PTPRN2: variants seen among roughly 807,000 people sequenced by gnomAD.
PTPRN2 encodes the protein receptor-type tyrosine-protein phosphatase N2.
In PTPRN2, 74 loss-of-function variants were observed where a neutral mutation model predicts 118.8. The observed-to-expected ratio is 0.62, with a 90% confidence interval of 0.52 to 0.76. The LOEUF is 0.76. PTPRN2 is among the 30% of genes least tolerant of loss of function. The pLI, the probability that PTPRN2 is intolerant of heterozygous loss-of-function variation, is 0.00. For missense variants in PTPRN2, 1,481 were observed against 1,394.4 expected, an observed-to-expected ratio of 1.06 and a Z score of -0.99; for synonymous variants, 641 against 608.0, an observed-to-expected ratio of 1.05 and a Z score of -0.80.
intron 3 of PTPRN2, among the ~76,000 whole-genome samples, chr7:158,263,069 ACAC>A (rs763565705): frequency 1.6e-4 from 23 of 145,990 alleles, no homozygotes; most frequent in African/African-American, 2.4e-4. Flanking sequence ...CATTGCACAC[ACAC>A]ATCACACACA....
At chr7:157,804,820 T>C (rs918367394) in intron 12 of PTPRN2, among the ~76,000 whole-genome samples, 87 of 152,236 alleles carry the variant, frequency 5.7e-4, no homozygotes, top group African/African-American at 1.6e-3. Context: ...CAGCCCCCCT[T>C]CTCCCAGTCC....
intron 1 of PTPRN2, among the ~76,000 whole-genome samples, chr7:158,554,247 A>G (rs144049502): frequency 6.6e-6 from 1 of 152,198 alleles, no homozygotes; most frequent in Non-Finnish European, 1.5e-5. Flanking sequence ...CCTGGGCGAA[A>G]GAGTGAGACT....
At chr7:157,703,109 C>T (rs535088717) in intron 12 of PTPRN2, among the ~76,000 whole-genome samples, 1 of 152,360 alleles carries the variant, frequency 6.6e-6, no homozygotes, top group African/African-American at 2.4e-5. Context: ...ATTGAACGGG[C>T]TCATTCTTGA....
At chr7:157,802,806 T>G (rs562751924) in intron 12 of PTPRN2, among the ~76,000 whole-genome samples, 1 of 152,346 alleles carries the variant, frequency 6.6e-6, no homozygotes, top group East Asian at 1.9e-4. Context: ...TGCATGTTCC[T>G]GATCATTAGT....
rs1201748099 is a variant in PTPRN2 at position 157,649,421 on chromosome 7, C to G, written c.2196+6936G>C. ...TGCACTGAACTCGGTGGGTCAGACC[C>G]TTTCACTGTGCACTGAACTCGGTGG... On this transcript the variant is annotated intron_variant, in intron 14 of 22. Transcript: ENST00000389418. Among the ~76,000 whole-genome samples the G allele has an allele frequency of 2.9e-5, 4 of 139,074 alleles. No individual in the cohort carries two copies. The Admixed American group carries it at 2.9e-4, about 10-fold the overall frequency. 91.2% of individuals were successfully genotyped at this position (139,074 alleles called of 152,430 possible).
chr7:158,295,066 C>G (rs1160982673), intron 3 of PTPRN2, among the ~76,000 whole-genome samples: 2 of 146,894 alleles, frequency 1.4e-5, no homozygotes, highest in East Asian at 4.2e-4. Flanking sequence ...CGCCCGCTGA[C>G]CCTGCCTGTC....
At chr7:157,910,226 G>A (rs1378094727) in intron 11 of PTPRN2, among the ~76,000 whole-genome samples, 1 of 151,338 alleles carries the variant, frequency 6.6e-6, no homozygotes, top group Non-Finnish European at 1.5e-5. Context: ...TACACCGTGG[G>A]AACGGGCGCA....
At chr7:158,476,267 G>A (rs1360639238) in intron 2 of PTPRN2, among the ~76,000 whole-genome samples, 1 of 152,236 alleles carries the variant, frequency 6.6e-6, no homozygotes, top group African/African-American at 2.4e-5. Flanking sequence ...GCCTCCCACA[G>A]TGCTGGGATT....
intron 2 of PTPRN2, among the ~76,000 whole-genome samples, chr7:158,479,157 C>T (rs188545599): frequency 1.3e-5 from 2 of 152,146 alleles, no homozygotes; most frequent in African/African-American, 4.8e-5. Context: ...GAACAAGTCA[C>T]CGAACTCTTC....
chr7:157,572,283 T>C (rs1296351268), intron 19 of PTPRN2, among the ~76,000 whole-genome samples: 1 of 152,168 alleles, frequency 6.6e-6, no homozygotes, highest in East Asian at 1.9e-4. Flanking sequence ...TAAGTAAAAT[T>C]AAAGGCGGAA....
At chr7:158,446,519 C>G (rs1024972121) in intron 2 of PTPRN2, among the ~76,000 whole-genome samples, 4 of 151,558 alleles carry the variant, frequency 2.6e-5, no homozygotes, top group Non-Finnish European at 4.4e-5. Flanking sequence ...ACAGCCACCC[C>G]CAGCGGGCAG....
intron 2 of PTPRN2, among the ~76,000 whole-genome samples, chr7:158,481,428 G>T (rs1318813978): frequency 6.6e-6 from 1 of 152,226 alleles, no homozygotes; most frequent in Non-Finnish European, 1.5e-5. Flanking sequence ...CGTCCATTCT[G>T]CAGCCCAGGG....
chr7:157,894,080 C>CCT (rs1796965951), intron 12 of PTPRN2, among the ~76,000 whole-genome samples: 1 of 152,158 alleles, frequency 6.6e-6, no homozygotes. Flanking sequence ...TAAAACCTGC[C>CCT]TGACGCATAT....
At position 158,517,001 on chromosome 7, in the gene PTPRN2, A is replaced by C. The variant is rs994093978; in HGVS notation, c.113-27216T>G. Among the ~76,000 whole-genome samples, 3 of 151,776 alleles carry C rather than the reference A, an allele frequency of 2.0e-5. No individual in the cohort carries two copies. Among genetic ancestry groups the C allele is most frequent in the African/African-American group, 7.3e-5 (3 of 41,276 alleles). On this transcript the variant is annotated intron_variant, in intron 1 of 22. Transcript: ENST00000389418. This position sits in a 1 kb window ranked among gnomAD's most constrained non-coding sequence, Gnocchi z 5.3. ...TAGTAAACCGTAGCCCAGCAGAACCACTCGTGAGTCCTGTGATTCCTTCCA... is the reference window on the plus strand; with the variant it reads ...TAGTAAACCGTAGCCCAGCAGAACCCCTCGTGAGTCCTGTGATTCCTTCCA...
At chr7:157,871,026 G>A (rs748089666) in intron 12 of PTPRN2, among the ~76,000 whole-genome samples, 2 of 152,238 alleles carry the variant, frequency 1.3e-5, no homozygotes, top group South Asian at 4.1e-4. Flanking sequence ...TGCAGTGCTG[G>A]TGCTGGGGGC....
intron 12 of PTPRN2, chr7:157,857,937 G>A (rs1809845326): frequency 6.5e-6 from 1 of 154,828 alleles, no homozygotes; most frequent in South Asian, 1.9e-4. Flanking sequence ...ATCAGGAACA[G>A]ACACGTACTC....
At chr7:158,245,469 C>T (rs560078907) in intron 3 of PTPRN2, among the ~76,000 whole-genome samples, 8 of 152,224 alleles carry the variant, frequency 5.3e-5, no homozygotes, top group Non-Finnish European at 8.8e-5. Context: ...AAGCCATCTC[C>T]ACGCACTTCT....
At chr7:158,315,939 GC>G (rs1563125827) in intron 3 of PTPRN2, among the ~76,000 whole-genome samples, 1 of 152,184 alleles carries the variant, frequency 6.6e-6, no homozygotes, top group African/African-American at 2.4e-5. Flanking sequence ...TGCCCCATGG[GC>G]CCATGAACAA....
chr7:158,482,161 C>T (rs1270985800), intron 2 of PTPRN2, among the ~76,000 whole-genome samples: 6 of 152,226 alleles, frequency 3.9e-5, no homozygotes, highest in African/African-American at 1.4e-4. Flanking sequence ...ATGGAATCTA[C>T]TCCTGGTGAA....
Sources: gnomAD v4.1 joint callset for allele counts (sites outside exome capture counted in the v4.1 genomes callset) on GRCh38, gnomAD v4.1.1 for gene constraint, Gnocchi (gnomAD v3.1) non-coding constraint, MANE v1.5 for transcripts, NCBI Gene and HGNC (gene_info 2026-07-23, HGNC 2026-07-21) for gene names.